The following SUGCT variants were observed in gnomAD, a reference collection of about 807,000 sequenced individuals.
The protein encoded by SUGCT is succinyl-CoA:glutarate CoA-transferase.
Under a neutral mutation model 55.0 loss-of-function variants are expected in SUGCT, and 41 were observed. That is an observed-to-expected ratio of 0.74 (90% CI 0.58 to 0.97). SUGCT has a LOEUF of 0.97. Ranked by LOEUF, SUGCT falls within the 50% of genes least tolerant of loss-of-function variation. The probability of loss-of-function intolerance (pLI) is 0.00; values close to 1 mark genes in which losing one functional copy is unlikely to be tolerated. For missense variants in SUGCT, 568 were observed against 547.8 expected (o/e 1.04, Z -0.37); for synonymous variants, 187 against 200.4 (o/e 0.93, Z 0.56).
chr7:40,584,929 C>A (rs1447280451), intron 12 of SUGCT, among the ~76,000 whole-genome samples: 1 of 152,126 alleles, frequency 6.6e-6, no homozygotes, highest in Non-Finnish European at 1.5e-5. Flanking sequence ...AAGTAGAAAA[C>A]CAGGATCTTC....
At chr7:40,854,198 CTTATTA>C (rs1403043510) in intron 13 of SUGCT, among the ~76,000 whole-genome samples, 1 of 151,928 alleles carries the variant, frequency 6.6e-6, no homozygotes, top group Admixed American at 6.6e-5. Flanking sequence ...TATGATGTAA[CTTATTA>C]TTATATTTTT....
the SUGCT span, among the ~76,000 whole-genome samples, chr7:40,962,615 G>T: frequency 1.4e-5 from 2 of 140,396 alleles, no homozygotes; most frequent in African/African-American, 5.3e-5. Flanking sequence ...ACACACATCA[G>T]AAAAATGGAG....
At chr7:40,680,393 G>A (rs563518206) in intron 12 of SUGCT, among the ~76,000 whole-genome samples, 1 of 152,122 alleles carries the variant, frequency 6.6e-6, no homozygotes, top group Non-Finnish European at 1.5e-5. Context: ...TTATTCATGA[G>A]TGTTACTTAG....
At chr7:40,635,852 T>C (rs1252132289) in intron 12 of SUGCT, among the ~76,000 whole-genome samples, 3 of 152,228 alleles carry the variant, frequency 2.0e-5, no homozygotes, top group African/African-American at 7.2e-5. Context: ...GATTCAAGAC[T>C]GTTGATTCCT....
intron 12 of SUGCT, among the ~76,000 whole-genome samples, chr7:40,710,978 G>A (rs1366070817): frequency 6.6e-6 from 1 of 152,204 alleles, no homozygotes; most frequent in African/African-American, 2.4e-5. Flanking sequence ...GGAATTGGGA[G>A]TACAGTGTCG....
At chr7:40,638,650 G>A (rs1341985489) in intron 12 of SUGCT, among the ~76,000 whole-genome samples, 2 of 152,164 alleles carry the variant, frequency 1.3e-5, no homozygotes, top group Non-Finnish European at 2.9e-5. Flanking sequence ...TTGGGGATTT[G>A]CTCCATCCTT....
intron 12 of SUGCT, among the ~76,000 whole-genome samples, chr7:40,660,532 C>T (rs1195351268): frequency 2.0e-5 from 3 of 152,184 alleles, no homozygotes; most frequent in Non-Finnish European, 2.9e-5. Context: ...GCTGGGATTA[C>T]AGGCTTGAGC....
At chr7:40,948,552 T>A in the SUGCT span, among the ~76,000 whole-genome samples, 1 of 148,554 alleles carries the variant, frequency 6.7e-6, no homozygotes, top group Non-Finnish European at 1.5e-5. Flanking sequence ...GTTTGCTGCA[T>A]CCATCAACCC....
chr7:40,694,280 A>C lies in SUGCT; in HGVS notation c.1090-55154A>C, dbSNP rs187591295. Among the ~76,000 whole-genome samples the C allele has an allele frequency of 5.5e-4, 84 of 152,340 alleles. 1 individual carries two copies. The highest frequency in any genetic ancestry group is 1.9e-3 in the African/African-American group (81 of 41,594). On this transcript the variant is annotated intron_variant, in intron 12 of 13. Transcript: ENST00000335693. Reference sequence around the variant, plus strand: ...ATGGAGAAAGTTCAGCAAGGATGTCAGGTCTGCCCTAACATAACTGTGATG... The same window carrying C: ...ATGGAGAAAGTTCAGCAAGGATGTCCGGTCTGCCCTAACATAACTGTGATG...
At chr7:40,919,598 A>G in the SUGCT span, among the ~76,000 whole-genome samples, 1 of 152,110 alleles carries the variant, frequency 6.6e-6, no homozygotes, top group African/African-American at 2.4e-5. Flanking sequence ...GTTGCTAATA[A>G]AATACACAGA....
intron 9 of SUGCT, among the ~76,000 whole-genome samples, chr7:40,392,576 T>A (rs958727312): frequency 2.0e-5 from 3 of 152,068 alleles, no homozygotes; most frequent in African/African-American, 7.2e-5. Flanking sequence ...AGGTCCAAAT[T>A]TTTGAGAATC....
the SUGCT span, among the ~76,000 whole-genome samples, chr7:40,953,622 G>A: frequency 6.6e-6 from 1 of 152,084 alleles, no homozygotes; most frequent in African/African-American, 2.4e-5. Context: ...ACATACAGGT[G>A]GGGTTTTGGT....
chr7:41,014,982 C>A, the SUGCT span, among the ~76,000 whole-genome samples: 3 of 152,094 alleles, frequency 2.0e-5, no homozygotes, highest in East Asian at 5.8e-4. Flanking sequence ...CAATAAATTA[C>A]CTGAGAATTA....
At chr7:40,921,090 G>T in the SUGCT span, among the ~76,000 whole-genome samples, 1 of 152,152 alleles carries the variant, frequency 6.6e-6, no homozygotes, top group African/African-American at 2.4e-5. Context: ...GATGTTATTG[G>T]CACCTTCCTG....
At chr7:40,343,605 C>A (rs1424026549) in intron 9 of SUGCT, among the ~76,000 whole-genome samples, 1 of 151,944 alleles carries the variant, frequency 6.6e-6, no homozygotes, top group African/African-American at 2.4e-5. Context: ...CACTCCTCTA[C>A]CCCTTCTCTT....
intron 13 of SUGCT, among the ~76,000 whole-genome samples, chr7:40,760,897 C>T (rs78944381): frequency 0.042 from 6,449 of 152,276 alleles, 132 homozygotes; most frequent in Middle Eastern, 0.055. Flanking sequence ...ATGTCCAGTG[C>T]TCAGCACATA....
intron 9 of SUGCT, among the ~76,000 whole-genome samples, chr7:40,367,292 G>A (rs1416009614): frequency 6.6e-6 from 1 of 151,098 alleles, no homozygotes; most frequent in Admixed American, 6.6e-5. Context: ...GGGAGGAATA[G>A]CATTAGGAGA....
intron 1 of SUGCT, among the ~76,000 whole-genome samples, chr7:40,144,770 T>C (rs1414678215): frequency 1.3e-5 from 2 of 152,202 alleles, no homozygotes; most frequent in African/African-American, 4.8e-5. Flanking sequence ...GAAATTTCCT[T>C]TAGCACCTAT....
intron 9 of SUGCT, among the ~76,000 whole-genome samples, chr7:40,391,101 A>G (rs538194272): frequency 9.7e-4 from 148 of 152,302 alleles, no homozygotes; most frequent in Non-Finnish European, 1.6e-3. Flanking sequence ...CTGAAACTGG[A>G]TCCCTTCCTT....
Sources: gnomAD v4.1 joint callset for allele counts (sites outside exome capture counted in the v4.1 genomes callset) on GRCh38, gnomAD v4.1.1 for gene constraint, MANE v1.5 for transcripts, NCBI Gene and HGNC (gene_info 2026-07-23, HGNC 2026-07-21) for gene names.